The following EPHB2 variants were observed in gnomAD, a reference collection of about 807,000 sequenced individuals.
EPHB2 encodes EPH receptor B2.
A neutral mutation model predicts 96.4 loss-of-function variants in EPHB2; 18 were observed. The ratio of observed to expected loss-of-function variants is 0.19; its 90% CI spans 0.13 to 0.28. The LOEUF (loss-of-function observed/expected upper bound fraction) is 0.28, where lower values mean the gene tolerates loss of function less well. Among genes scored for constraint, EPHB2 ranks in the 10% least tolerant of loss-of-function variants. The pLI is 1.00. For missense variants in EPHB2, 989 were observed against 1,355.4 expected, an observed-to-expected ratio of 0.73 and a Z score of 4.25; for synonymous variants, 506 against 534.1, an observed-to-expected ratio of 0.95 and a Z score of 0.72.
At chr1:22,815,459 G>A (rs929571551) in intron 3 of EPHB2, among the ~76,000 whole-genome samples, 28 of 152,202 alleles carry the variant, frequency 1.8e-4, no homozygotes, top group African/African-American at 6.5e-4. Context: ...CGAGTTCAGT[G>A]CTCCCTCCAG....
In EPHB2 at chr1:22,906,801, G is replaced by A. The variant is rs375552698; in HGVS notation, c.1980G>A (p.Thr660=). The A allele has an allele frequency of 3.3e-5, 54 of 1,614,126 alleles. 1 individual carries two copies. In the South Asian group the frequency reaches 3.6e-4, roughly 11 times the overall value. Residue 660 remains threonine, a synonymous_variant, in exon 11 of 16, where the codon ACG becomes ACA. Transcript: ENST00000374630. This position sits in a 1 kb window ranked among gnomAD's most constrained non-coding sequence, Gnocchi z 4.8. ...VAIKTLKSGY[T]EKQRRDFLSE... ...TCAAGACGCTCAAGTCGGGCTACACGGAGAAGCAGCGCCGGGACTTCCTGA... is the reference window on the plus strand; with the variant it reads ...TCAAGACGCTCAAGTCGGGCTACACAGAGAAGCAGCGCCGGGACTTCCTGA...
intron 6 of EPHB2, among the ~76,000 whole-genome samples, chr1:22,886,548 C>T (rs1335045940): frequency 6.6e-6 from 1 of 151,132 alleles, no homozygotes; most frequent in East Asian, 1.9e-4. Flanking sequence ...CCAGGGGACG[C>T]TAAGTGAGAA....
intron 1 of EPHB2, among the ~76,000 whole-genome samples, chr1:22,717,894 C>T (rs1232922232): frequency 6.6e-6 from 1 of 152,178 alleles, no homozygotes; most frequent in African/African-American, 2.4e-5. Context: ...GTTTTCACCT[C>T]TCTGAGCCTT....
At chr1:22,744,953 G>T (rs568831532) in intron 1 of EPHB2, among the ~76,000 whole-genome samples, 1 of 152,190 alleles carries the variant, frequency 6.6e-6, no homozygotes, top group East Asian at 1.9e-4. Flanking sequence ...CATCCTCCTC[G>T]TCTTCACGTT....
rs1314245140 is a variant in EPHB2 at position 22,919,897 on chromosome 1, T to C, written c.*6327T>C. The C allele has an allele frequency of 2.6e-5, 4 of 152,204 alleles. No individual in the cohort carries two copies. Among genetic ancestry groups the C allele is most frequent in the Non-Finnish European group, 5.9e-5 (4 of 68,034 alleles). 9.4% of individuals were successfully genotyped at this position (152,204 alleles called of 1,614,324 possible). On this transcript the variant is annotated 3_prime_UTR_variant, in exon 16 of 16. Transcript: ENST00000374630. ...AAGATTCCATCACACTATGATTCTA[T>C]GCTGCTAATTCTTGAAATTTCGAGT...
At chr1:22,794,328 C>T (rs1644737646) in intron 3 of EPHB2, among the ~76,000 whole-genome samples, 1 of 152,068 alleles carries the variant, frequency 6.6e-6, no homozygotes, top group Non-Finnish European at 1.5e-5. Context: ...CGATGCAAGG[C>T]AGGATGGAAC....
intron 1 of EPHB2, among the ~76,000 whole-genome samples, chr1:22,730,362 TG>T (rs1459768065): frequency 3.3e-5 from 5 of 152,208 alleles, no homozygotes; most frequent in African/African-American, 1.2e-4. Flanking sequence ...CAGGGATCCC[TG>T]GCCTTTGGGG....
chr1:22,892,762 T>C, intron 6 of EPHB2, 122 bp from the exon 7 acceptor site: 2 of 1,249,488 alleles, frequency 1.6e-6, no homozygotes, highest in Non-Finnish European at 1.2e-6. Context: ...GGATGAAGAA[T>C]TGGGAACCAT....
chr1:22,864,775 T>A, intron 4 of EPHB2, 102 bp from the exon 5 acceptor site: 6 of 714,206 alleles, frequency 8.4e-6, no homozygotes, highest in Non-Finnish European at 1.4e-5. Context: ...TTTAAGGAAG[T>A]CCTTTCAGAG....
In EPHB2 at chr1:22,875,061, G is replaced by A. The variant is rs1570422075; in HGVS notation, c.1304-7298G>A. 1.3e-5 allele frequency among the ~76,000 whole-genome samples: 2 copies of A among 152,156 alleles called. No individual in the cohort carries two copies. The highest frequency in any genetic ancestry group is 2.4e-5 in the African/African-American group (1 of 41,446). On this transcript the variant is annotated intron_variant, in intron 5 of 15. Transcript: ENST00000374630. This position sits in a 1 kb window ranked among gnomAD's most constrained non-coding sequence, Gnocchi z 4.2. ...TCAAACTTTCTTAGCCACAGAATACGCAGTGCCACCCTAGCACCAGTTGTC... is the reference window on the plus strand; with the variant it reads ...TCAAACTTTCTTAGCCACAGAATACACAGTGCCACCCTAGCACCAGTTGTC...
intron 3 of EPHB2, among the ~76,000 whole-genome samples, chr1:22,808,700 A>G (rs984912638): frequency 6.6e-6 from 1 of 152,236 alleles, no homozygotes; most frequent in African/African-American, 2.4e-5. Flanking sequence ...CTTAATGTAT[A>G]TTTAATTCCC....
chr1:22,755,212 T>G (rs1644130889), intron 1 of EPHB2, among the ~76,000 whole-genome samples: 1 of 152,072 alleles, frequency 6.6e-6, no homozygotes, highest in Non-Finnish European at 1.5e-5. Context: ...TAAATCCTCT[T>G]GCAGATGGCC....
At chr1:22,754,930 T>TGAGGGGCAGGGGAGGTGAGGC (rs1553161319) in intron 1 of EPHB2, among the ~76,000 whole-genome samples, 2 of 15,524 alleles carry the variant, frequency 1.3e-4, no homozygotes, top group Non-Finnish European at 2.8e-4. Context: ...GGAGGTGAGG[T>TGAGGGGCAGGGGAGGTGAGGC]GAGGGGCAGG....
chr1:22,731,864 A>AAATC (rs1643721449), intron 1 of EPHB2, among the ~76,000 whole-genome samples: 1 of 152,120 alleles, frequency 6.6e-6, no homozygotes, highest in African/African-American at 2.4e-5. Flanking sequence ...AACAACAACA[A>AAATC]AATCATCACT....
intron 3 of EPHB2, among the ~76,000 whole-genome samples, chr1:22,856,662 G>A (rs927053638): frequency 9.9e-5 from 15 of 152,108 alleles, no homozygotes; most frequent in Non-Finnish European, 1.8e-4. Flanking sequence ...ACCTTAGGGC[G>A]GTCACTTCAC....
intron 6 of EPHB2, among the ~76,000 whole-genome samples, chr1:22,885,557 A>G (rs1040218033): frequency 6.6e-6 from 1 of 152,224 alleles, no homozygotes; most frequent in East Asian, 1.9e-4. Flanking sequence ...TCCTCACCAC[A>G]TGGTTCTTCA....
At chr1:22,897,656 G>A (rs1209987375) in intron 9 of EPHB2, among the ~76,000 whole-genome samples, 1 of 152,078 alleles carries the variant, frequency 6.6e-6, no homozygotes, top group Non-Finnish European at 1.5e-5. Context: ...GCATGGTGGT[G>A]TGTGCCTGTA....
At chr1:22,903,337 G>A (rs530307619) in intron 9 of EPHB2, among the ~76,000 whole-genome samples, 1 of 152,328 alleles carries the variant, frequency 6.6e-6, no homozygotes, top group South Asian at 2.1e-4. Context: ...AGAACCACAG[G>A]GCATGCATTG....
chr1:22,837,579 G>A (rs1247719848), intron 3 of EPHB2, among the ~76,000 whole-genome samples: 1 of 152,192 alleles, frequency 6.6e-6, no homozygotes, highest in Non-Finnish European at 1.5e-5. Context: ...GATTAAACTA[G>A]GCGTGTATGA....
Sources: gnomAD v4.1 joint callset for allele counts (sites outside exome capture counted in the v4.1 genomes callset) on GRCh38, gnomAD v4.1.1 for gene constraint, Gnocchi (gnomAD v3.1) non-coding constraint, MANE v1.5 for transcripts, NCBI Gene and HGNC (gene_info 2026-07-23, HGNC 2026-07-21) for gene names.